Variants in SYT8 observed in about 807,000 individuals in gnomAD.
SYT8 encodes the protein synaptotagmin-8.
In SYT8, 50 loss-of-function variants were observed where a neutral mutation model predicts 34.9. That is an observed-to-expected ratio of 1.43 (90% CI 1.14 to 1.81). The LOEUF (loss-of-function observed/expected upper bound fraction) is 1.81, where lower values mean the gene tolerates loss of function less well. SYT8 is among the 40% of genes most tolerant of loss of function. SYT8 has a pLI of 0.00. For missense variants in SYT8, 595 were observed against 529.0 expected (o/e 1.12, Z -1.22); for synonymous variants, 255 against 234.2 (o/e 1.09, Z -0.81).
At position 1,837,318 on chromosome 11, in the gene SYT8, C is replaced by A; in HGVS notation, c.1051C>A (p.His351Asn). The stretch of plus-strand genomic sequence containing the variant: ...GCAGCACTGGGCAGACATGCTGGCC[C>A]ACGCCCGGCGGCCCATTGCCCAGCG... ...PLQHWADMLA[H>N]ARRPIAQRHP... The change falls in exon 8 of 8, where the codon CAC becomes AAC. Residue 351 changes from histidine (H) to asparagine (N), a missense_variant. By Grantham distance (68) the His-to-Asn change is moderately conservative. Transcript: ENST00000341958. 5 of 1,589,768 alleles carry A rather than the reference C, an allele frequency of 3.1e-6. No homozygotes were observed. The highest frequency in any genetic ancestry group is 3.4e-6 in the Non-Finnish European group (4 of 1,172,794).
chr11:1,836,054 AC>A lies in SYT8; in HGVS notation c.358-68del, dbSNP rs779461363. 7 of 1,569,386 alleles carry A rather than the reference AC, an allele frequency of 4.5e-6. 1 individual carries two copies. Among genetic ancestry groups the A allele is most frequent in the African/African-American group, 4.1e-5 (3 of 73,118 alleles). ...GGAAAGGGTGACGGGGGAAGGGCAG[AC>A]CCCATGCCCTGGGTGGTGGGGAGCT... On this transcript the variant is annotated intron_variant, in intron 3 of 7. Transcript: ENST00000341958.
At chr11:1,832,780 C>G (rs1012522412), upstream of SYT8, among the ~76,000 whole-genome samples, 4 of 152,204 alleles carry the variant, frequency 2.6e-5, no homozygotes, top group African/African-American at 9.6e-5. Flanking sequence ...CCCCTGTGCT[C>G]CTCTGGGGAC....
intron 5 of SYT8, 69 bp downstream of exon 5, chr11:1,836,661 G>A: frequency 6.3e-7 from 1 of 1,594,340 alleles, no homozygotes; most frequent in Non-Finnish European, 8.5e-7. Context: ...TGGGCCATCG[G>A]AAAGACAGGC....
chr11:1,835,692 G>A (rs1846874674), intron 2 of SYT8, 194 bp from the exon 3 acceptor site: 15 of 738,314 alleles, frequency 2.0e-5, no homozygotes, highest in Non-Finnish European at 2.9e-5. Context: ...GGAAGGCAGG[G>A]GGTACCCCAG....
upstream of SYT8, among the ~76,000 whole-genome samples, chr11:1,832,055 C>A (rs1030914298): frequency 1.3e-5 from 2 of 152,216 alleles, no homozygotes; most frequent in Non-Finnish European, 2.9e-5. Context: ...AAATGGTGCC[C>A]GCCTTGGGCT....
upstream of SYT8, chr11:1,834,985 C>A: frequency 9.5e-7 from 1 of 1,048,552 alleles, no homozygotes; most frequent in Non-Finnish European, 1.4e-6. This position sits in a 1 kb window ranked among gnomAD's most constrained non-coding sequence, Gnocchi z 4.5. Flanking sequence ...CCTCCTTGCC[C>A]TGGCAGACCC....
At chr11:1,834,917 C>G, upstream of SYT8, 1 of 644,262 alleles carries the variant, frequency 1.6e-6, no homozygotes, top group Non-Finnish European at 2.7e-6. This position sits in a 1 kb window ranked among gnomAD's most constrained non-coding sequence, Gnocchi z 4.5. Flanking sequence ...GGGTCCAGAG[C>G]CTCCCTCCCT....
At position 1,835,046 on chromosome 11, in the gene SYT8, C is replaced by T. The variant is rs1233591231; in HGVS notation, c.-60C>T. 4 of 1,552,998 alleles carry T rather than the reference C, an allele frequency of 2.6e-6. No individual in the cohort carries two copies. On this transcript the variant is annotated 5_prime_UTR_variant, in exon 1 of 8. Coordinates refer to ENST00000341958, the MANE Select transcript of SYT8 (RefSeq NM_001394072.1). ...GGGTAGCGGGCAGGGGCCGGAGGGG[C>T]CACCCTCCCAGCTGACCCAGCCTCC...
chr11:1,835,546 C>T lies in SYT8; in HGVS notation c.258+87C>T, dbSNP rs1252336370. On this transcript the variant is annotated intron_variant, in intron 2 of 7. Transcript: ENST00000341958. ...CAGGGCAGCGAGGCGAGTTCAGCCC[C>T]AGGGATGGTTTAACCCCCACAGAGG... 3 of 1,501,768 alleles carry T rather than the reference C, an allele frequency of 2.0e-6. No individual in the cohort carries two copies. The African/African-American group carries it at 4.1e-5, about 21-fold the overall frequency. 93.0% of individuals were successfully genotyped at this position (1,501,768 alleles called of 1,614,324 possible). A position where few individuals can be genotyped will look rare whatever the true frequency, so the allele number is the denominator to read the frequency against.
chr11:1,835,994 C>A lies in SYT8; in HGVS notation c.357+10C>A, dbSNP rs1300096024. The A allele has an allele frequency of 6.2e-7, 1 of 1,605,062 alleles. No homozygotes were observed. The highest frequency in any genetic ancestry group is 2.2e-5 in the East Asian group (1 of 44,792). On this transcript the variant is annotated intron_variant, in intron 3 of 7. Transcript: ENST00000341958. ...CTTTGGAAGCCAGGAGGTGAAGGGCCCCGCTGCGCAGGACCAGCGGTTCTG... is the reference window on the plus strand; with the variant it reads ...CTTTGGAAGCCAGGAGGTGAAGGGCACCGCTGCGCAGGACCAGCGGTTCTG...
At position 1,836,204 on chromosome 11, in the gene SYT8, A is replaced by G. The variant is rs148291586; in HGVS notation, c.436A>G (p.Thr146Ala). The G allele has an allele frequency of 7.9e-4, 1,256 of 1,586,958 alleles. 1 individual carries two copies. The highest frequency in any genetic ancestry group is 9.9e-4 in the Non-Finnish European group (1,152 of 1,168,264). The change falls in exon 4 of 8, where the codon ACC becomes GCC. Residue 146 changes from threonine (T) to alanine (A), a missense_variant. Physicochemically the swap from Thr to Ala is moderately conservative, Grantham distance 58. Coordinates refer to ENST00000341958, the MANE Select transcript of SYT8 (RefSeq NM_001394072.1). ...CCCCTATGCCCGGGTCAGCGTCTCC[A>G]CCCAGGCCGGACACAGACATGAGAC... ...VDPYARVSVS[T>A]QAGHRHETKV...
upstream of SYT8, chr11:1,834,257 A>C: frequency 2.0e-6 from 1 of 488,930 alleles, no homozygotes; most frequent in Non-Finnish European, 3.7e-6. The surrounding 1 kb of genome is among the most constrained non-coding windows in gnomAD (Gnocchi z 4.5). Context: ...AGGCGGGTAC[A>C]GGGGCCAGCA....
At chr11:1,835,804 C>T in intron 2 of SYT8, 82 bp from the exon 3 acceptor site, 1 of 1,248,224 alleles carries the variant, frequency 8.0e-7, no homozygotes, top group Non-Finnish European at 1.2e-6. Context: ...TGACCCATGT[C>T]ATGCAAGGGC....
rs112077169 is a variant in SYT8 at position 1,837,482 on chromosome 11, C to T, written c.*51C>T. ...GCTGAGCCCAGGCACTTGCCCAGGC[C>T]GCCCTGCAGGACCACTGCAATAAAC... On this transcript the variant is annotated 3_prime_UTR_variant, in exon 8 of 8. Transcript: ENST00000341958. 106 of 1,587,826 alleles carry T rather than the reference C, an allele frequency of 6.7e-5. 1 individual carries two copies. Among genetic ancestry groups the T allele is most frequent in the African/African-American group, 6.3e-4 (47 of 74,374 alleles).
In SYT8 at chr11:1,836,748, G is replaced by T; in HGVS notation, c.685-8G>T. The T allele has an allele frequency of 4.4e-6, 7 of 1,607,768 alleles. No homozygotes were observed. The highest frequency in any genetic ancestry group is 5.9e-6 in the Non-Finnish European group (7 of 1,179,320). ...CTCCCGGGCTGAAGCCCCTCTTGCT[G>T]CCCACAGCCCGAGCAGGTCGGGGAG... On this transcript the variant is annotated splice_region_variant and splice_polypyrimidine_tract_variant and intron_variant, in intron 5 of 7. Transcript: ENST00000341958.
intron 3 of SYT8, 34 bp from the exon 4 acceptor site, chr11:1,836,092 G>C: frequency 6.5e-7 from 1 of 1,532,480 alleles, no homozygotes; most frequent in Middle Eastern, 1.7e-4. Flanking sequence ...ACAGGGCAGG[G>C]GCCCTTGGCT....
chr11:1,836,147 G>C lies in SYT8; in HGVS notation c.379G>C (p.Ala127Pro), dbSNP rs976338630. Residue 127 changes from alanine to proline, a missense_variant, in exon 4 of 8, where the codon GCA becomes CCA. Transcript: ENST00000341958. Reference sequence around the variant, plus strand: ...CCAGATCAGGGTGGGCCTGAGGCAGGCAGCCGACCTGAGGCCTGGGGGCAC... The same window carrying C: ...CCAGATCAGGGTGGGCCTGAGGCAGCCAGCCGACCTGAGGCCTGGGGGCAC... ...SQEIRVGLRQ[A>P]ADLRPGGTVD... The C allele has an allele frequency of 6.6e-7, 1 of 1,505,090 alleles. No individual in the cohort carries two copies. Among genetic ancestry groups the C allele is most frequent in the African/African-American group, 1.4e-5 (1 of 71,398 alleles). 93.2% of individuals were successfully genotyped at this position (1,505,090 alleles called of 1,614,324 possible). A position where few individuals can be genotyped will look rare whatever the true frequency, so the allele number is the denominator to read the frequency against.
chr11:1,833,533 G>A (rs1846747205), upstream of SYT8, among the ~76,000 whole-genome samples: 1 of 152,202 alleles, frequency 6.6e-6, no homozygotes, highest in Admixed American at 6.5e-5. Context: ...TCCCTCCATT[G>A]TGCTGGCCCC....
Position 1,836,989 on chromosome 11 carries a change from C to A in SYT8, c.823C>A (p.Gln275Lys). Residue 275 changes from glutamine to lysine, a missense_variant, in exon 7 of 8, where the codon CAG becomes AAG. Gln to Lys is a moderately conservative substitution (Grantham distance 53, BLOSUM62 1). Transcript: ENST00000341958. ...PYVKVQLMLNQRKWKKRKTAT... is the reference protein window; with the variant it reads ...PYVKVQLMLNKRKWKKRKTAT... The stretch of plus-strand genomic sequence containing the variant: ...CGTGAAGGTCCAGCTCATGCTGAAC[C>A]AGAGGAAGTGGAAGAAGAGAAAGAC... 6.2e-7 allele frequency: 1 copy of A among 1,613,780 alleles called. No homozygotes were observed. The highest frequency in any genetic ancestry group is 1.1e-5 in the South Asian group (1 of 91,082).
Sources: gnomAD v4.1 joint callset for allele counts (sites outside exome capture counted in the v4.1 genomes callset) on GRCh38, gnomAD v4.1.1 for gene constraint, Gnocchi (gnomAD v3.1) non-coding constraint, MANE v1.5 for transcripts, NCBI Gene and HGNC (gene_info 2026-07-23, HGNC 2026-07-21) for gene names.